Variants in CROCC observed in about 807,000 individuals in gnomAD.
CROCC encodes the protein rootletin.
CROCC carries 180 observed loss-of-function variants against 245.2 expected under a neutral mutation model. That is an observed-to-expected ratio of 0.73 (90% CI 0.65 to 0.83). The LOEUF (loss-of-function observed/expected upper bound fraction) is 0.83, where lower values mean the gene tolerates loss of function less well. Among genes scored for constraint, CROCC ranks in the 40% least tolerant of loss-of-function variants. CROCC has a pLI of 0.00. For synonymous variants in CROCC, 1,205 were observed against 1,241.6 expected (o/e 0.97, Z 0.62); for missense variants, 2,688 against 2,779.4 (o/e 0.97, Z 0.74).
chr1:16,930,692 G>A (rs9435711), intron 7 of CROCC, 98 bp downstream of exon 7: 4 of 1,355,360 alleles, frequency 3.0e-6, no homozygotes, highest in Non-Finnish European at 4.0e-6. Flanking sequence ...AGGGAGCACT[G>A]TCCAAGGGAG....
chr1:16,959,629 T>C (rs2076298357), intron 26 of CROCC, among the ~76,000 whole-genome samples: 1 of 152,186 alleles, frequency 6.6e-6, no homozygotes, highest in Non-Finnish European at 1.5e-5. Flanking sequence ...AGGTTGACTC[T>C]CTAAATGGCA....
chr1:16,919,769 A>G (rs1471403865), upstream of CROCC, among the ~76,000 whole-genome samples: 2 of 152,336 alleles, frequency 1.3e-5, no homozygotes, highest in East Asian at 3.9e-4. Context: ...TTGGTAGGAC[A>G]GAGTCTCGCT....
At chr1:16,950,477 G>A (rs2076140083) in intron 19 of CROCC, among the ~76,000 whole-genome samples, 1 of 141,440 alleles carries the variant, frequency 7.1e-6, no homozygotes, top group Non-Finnish European at 1.5e-5. Context: ...TCCTGCCTCA[G>A]CCTCCCTGAG....
Position 16,935,654 on chromosome 1 carries a change from G to T in CROCC, c.957-983G>T, listed in dbSNP as rs80043975. On this transcript the variant is annotated intron_variant, in intron 8 of 36. Coordinates refer to ENST00000375541, the MANE Select transcript of CROCC (RefSeq NM_014675.5). ...ATAGCCAGGATGGTCTCGATCTCCC[G>T]ACCTCGTGATCCGCCCTCCTCGGCC... Among the ~76,000 whole-genome samples, 1,367 of 152,010 alleles carry T rather than the reference G, an allele frequency of 9.0e-3. No homozygotes were observed. The East Asian group carries it at 0.15, about 17-fold the overall frequency.
At chr1:16,939,194 C>A in intron 12 of CROCC, 52 bp downstream of exon 12, 1 of 1,317,300 alleles carries the variant, frequency 7.6e-7, no homozygotes, top group Non-Finnish European at 9.8e-7. Context: ...GGGGGAGGGG[C>A]TCGCGCCCTC....
intron 8 of CROCC, among the ~76,000 whole-genome samples, chr1:16,933,358 T>C (rs2075720649): frequency 6.6e-6 from 1 of 152,234 alleles, no homozygotes; most frequent in South Asian, 2.1e-4. Flanking sequence ...TCCCAGCTAC[T>C]GGGGAGGCTG....
At chr1:16,925,087 G>C (rs2075503924) in intron 3 of CROCC, among the ~76,000 whole-genome samples, 1 of 152,292 alleles carries the variant, frequency 6.6e-6, no homozygotes, top group Non-Finnish European at 1.5e-5. Flanking sequence ...GTGAGCCGGT[G>C]CGAGGGGTGC....
Position 16,958,693 on chromosome 1 carries a change from G to A in CROCC, c.3975G>A (p.Leu1325=), listed in dbSNP as rs2076284626. 1 of 1,559,266 alleles carries A rather than the reference G, an allele frequency of 6.4e-7. No individual in the cohort carries two copies. The highest frequency in any genetic ancestry group is 2.0e-4 in the Middle Eastern group (1 of 5,054). ...RAEKESRRET[L]GLRQRLLKGE... The stretch of plus-strand genomic sequence containing the variant: ...AGAAGGAGAGCAGGCGGGAGACCCT[G>A]GGCCTCCGGCAGAGGCTGCTGAAGG... Residue 1325 remains leucine, a synonymous_variant, in exon 26 of 37, where the codon CTG becomes CTA. Coordinates refer to ENST00000375541, the MANE Select transcript of CROCC (RefSeq NM_014675.5).
chr1:16,932,942 G>A (rs2075710724), intron 8 of CROCC, among the ~76,000 whole-genome samples: 1 of 152,280 alleles, frequency 6.6e-6, no homozygotes, highest in South Asian at 2.1e-4. Context: ...ATCCTGTGCA[G>A]CTGGGACTAC....
chr1:16,965,686 C>G, intron 27 of CROCC, 37 bp from the exon 28 acceptor site: 2 of 1,474,630 alleles, frequency 1.4e-6, no homozygotes, highest in Non-Finnish European at 1.9e-6. Flanking sequence ...AGGCCCGTGG[C>G]TTCTGCATCA....
Position 16,970,364 on chromosome 1 carries a change from G to A in CROCC, c.5563G>A (p.Ala1855Thr), listed in dbSNP as rs1433742325. 1.3e-6 allele frequency: 2 copies of A among 1,598,802 alleles called. No homozygotes were observed. Among genetic ancestry groups the A allele is most frequent in the East Asian group, 2.3e-5 (1 of 44,228 alleles). ...ERLGSLQRAL[A>T]QLEAEKREVE... ...CCTGGGAAGCCTGCAGCGCGCCCTG[G>A]CTCAGCTGGAAGCTGAGAAGCGGGA... Residue 1855 changes from alanine to threonine, a missense_variant, in exon 34 of 37, where the codon GCT becomes ACT. Coordinates refer to ENST00000375541, the MANE Select transcript of CROCC (RefSeq NM_014675.5).
At chr1:16,944,953 C>G (rs1271680041) in intron 14 of CROCC, among the ~76,000 whole-genome samples, 142 of 152,290 alleles carry the variant, frequency 9.3e-4, no homozygotes, top group African/African-American at 3.3e-3. Flanking sequence ...TTAAAACAGG[C>G]CGGGCGCAGT....
At chr1:16,945,889 A>T (rs1272304857) in intron 15 of CROCC, among the ~76,000 whole-genome samples, 1 of 152,248 alleles carries the variant, frequency 6.6e-6, no homozygotes, top group Non-Finnish European at 1.5e-5. Context: ...AGTGCCTGAG[A>T]CTCAGCTCCT....
intron 27 of CROCC, 89 bp downstream of exon 27, chr1:16,961,219 G>C (rs2076328426): frequency 1.5e-5 from 18 of 1,211,406 alleles, no homozygotes; most frequent in Non-Finnish European, 1.8e-5. Flanking sequence ...TTTTGTTTTT[G>C]TTTTTGTTTT....
chr1:16,918,192 C>A (rs1188562515), upstream of CROCC, among the ~76,000 whole-genome samples: 5 of 149,514 alleles, frequency 3.3e-5, no homozygotes, highest in Admixed American at 6.7e-5. Flanking sequence ...GAAGTGAAGA[C>A]ACTGGTGCAG....
intron 8 of CROCC, among the ~76,000 whole-genome samples, chr1:16,935,905 C>T (rs1486930108): frequency 4.6e-5 from 7 of 152,274 alleles, no homozygotes; most frequent in Non-Finnish European, 7.3e-5. Flanking sequence ...TCGTTGGATA[C>T]GTTCTTAGAG....
chr1:16,972,274 T>C, intron 36 of CROCC, 86 bp from the exon 37 acceptor site: 1 of 1,019,542 alleles, frequency 9.8e-7, no homozygotes, highest in South Asian at 1.3e-5. Flanking sequence ...ACTGTGGCAC[T>C]GTGTCCCTCC....
At position 16,961,051 on chromosome 1, in the gene CROCC, GGGCCTC is replaced by G. The variant is rs1282005645; in HGVS notation, c.4335_4340del (p.Leu1446_Gly1447del). 7.5e-7 allele frequency: 1 copy of G among 1,333,182 alleles called. No individual in the cohort carries two copies. The highest frequency in any genetic ancestry group is 3.9e-5 in the Admixed American group (1 of 25,660). 82.6% of individuals were successfully genotyped at this position (1,333,182 alleles called of 1,614,324 possible). ...GTGGCCTGCGCTCGGCTCTGCGCCG[GGGCCTC>G]GGCCTCGGTCGCGCGCCCAGCCCAG... is the stretch of plus-strand genomic sequence containing the variant. On this transcript the variant is annotated inframe_deletion, in exon 27 of 37. Coordinates refer to ENST00000375541, the MANE Select transcript of CROCC (RefSeq NM_014675.5).
chr1:16,953,748 G>A (rs543709602), intron 21 of CROCC: 267 of 410,036 alleles, frequency 6.5e-4, no homozygotes, highest in African/African-American at 5.1e-3. Context: ...CCCATGCCTC[G>A]TCCCACCCCA....
Sources: allele counts gnomAD v4.1 joint callset (sites outside exome capture counted in the v4.1 genomes callset), GRCh38; gene constraint gnomAD v4.1.1; transcripts MANE v1.5; gene names NCBI Gene and HGNC (gene_info 2026-07-23, HGNC 2026-07-21).